SLC2A13: variants seen among roughly 807,000 people sequenced by gnomAD.
SLC2A13 encodes proton myo-inositol cotransporter.
In SLC2A13, 32 loss-of-function variants were observed where a neutral mutation model predicts 64.4. The observed-to-expected ratio is 0.50, with a 90% CI of 0.37 to 0.67. The LOEUF is 0.67. Ranked by LOEUF, SLC2A13 falls within the 30% of genes least tolerant of loss-of-function variation. The pLI, the probability that SLC2A13 is intolerant of heterozygous loss-of-function variation, is 0.00. For missense variants in SLC2A13, 743 were observed against 829.2 expected, an observed-to-expected ratio of 0.90 and a Z score of 1.28; for synonymous variants, 338 against 327.1, an observed-to-expected ratio of 1.03 and a Z score of -0.36.
chr12:40,102,813 A>G (rs890183594), intron 1 of SLC2A13, among the ~76,000 whole-genome samples: 1 of 152,184 alleles, frequency 6.6e-6, no homozygotes, highest in Non-Finnish European at 1.5e-5. Context: ...CTTAAAAAAA[A>G]GTGATTTTCT....
intron 1 of SLC2A13, among the ~76,000 whole-genome samples, chr12:40,082,146 C>T (rs974286386): frequency 6.6e-6 from 1 of 152,190 alleles, no homozygotes; most frequent in Admixed American, 6.5e-5. Context: ...GGTCCCTGCA[C>T]ATGTGTGCAC....
chr12:40,103,866 G>A (rs1352229932), intron 1 of SLC2A13, among the ~76,000 whole-genome samples: 1 of 152,142 alleles, frequency 6.6e-6, no homozygotes, highest in African/African-American at 2.4e-5. Context: ...GGATTTTTTG[G>A]TCACTTTGGA....
chr12:39,838,382 C>T (rs1943079234), intron 6 of SLC2A13, among the ~76,000 whole-genome samples: 2 of 143,270 alleles, frequency 1.4e-5, no homozygotes, highest in South Asian at 4.6e-4. Flanking sequence ...GGGAGATATA[C>T]CTAATGCTAG....
intron 1 of SLC2A13, among the ~76,000 whole-genome samples, chr12:40,071,177 G>A (rs573414148): frequency 2.6e-5 from 4 of 152,216 alleles, no homozygotes; most frequent in Non-Finnish European, 4.4e-5. Context: ...TGATCTACGC[G>A]TGTCTATTCT....
intron 4 of SLC2A13, among the ~76,000 whole-genome samples, chr12:39,917,845 T>C (rs938403290): frequency 1.7e-4 from 26 of 152,024 alleles, no homozygotes; most frequent in African/African-American, 6.3e-4. Flanking sequence ...TATAACCTCT[T>C]CCTCTTCTCC....
chr12:39,935,019 C>T (rs1279695861), intron 4 of SLC2A13, among the ~76,000 whole-genome samples: 1 of 152,168 alleles, frequency 6.6e-6, no homozygotes, highest in Non-Finnish European at 1.5e-5. Flanking sequence ...TTTTCACCTG[C>T]CCTCAGAAAG....
At chr12:40,020,095 C>T (rs1484477711) in intron 3 of SLC2A13, among the ~76,000 whole-genome samples, 5 of 152,106 alleles carry the variant, frequency 3.3e-5, no homozygotes, top group African/African-American at 1.2e-4. Context: ...CACTGTAGCT[C>T]CCCAATACAA....
chr12:39,796,993 G>A (rs995421083), intron 7 of SLC2A13, among the ~76,000 whole-genome samples: 5 of 151,988 alleles, frequency 3.3e-5, no homozygotes, highest in East Asian at 1.9e-4. Context: ...TTTTATGTTC[G>A]ACATCAGTGT....
intron 1 of SLC2A13, among the ~76,000 whole-genome samples, chr12:40,090,596 T>A (rs1427405884): frequency 6.6e-6 from 1 of 152,210 alleles, no homozygotes; most frequent in Non-Finnish European, 1.5e-5. Context: ...TATTCATGTT[T>A]ATTTGAAAAT....
rs145231337 is a variant in SLC2A13, at chr12:39,996,363, A to G, written c.925+31938T>C. 4.9e-4 allele frequency among the ~76,000 whole-genome samples: 74 copies of G among 152,350 alleles called. 2 individuals are homozygous for G. In the East Asian group the frequency reaches 0.014, roughly 29 times the overall value. ...CAGTTTTATCAGGGAAGCACAGCAT[A>G]AAAGTTTGGAAAATTTGCAGCCTGA... On this transcript the variant is annotated intron_variant, in intron 3 of 9. Transcript: ENST00000280871.
intron 7 of SLC2A13, among the ~76,000 whole-genome samples, chr12:39,805,493 C>G (rs1348943800): frequency 7.6e-6 from 1 of 132,212 alleles, no homozygotes; most frequent in Non-Finnish European, 1.6e-5. Flanking sequence ...TACTCTGTCT[C>G]TTAGGTTAAT....
chr12:39,882,276 A>T (rs1204967770), intron 4 of SLC2A13, among the ~76,000 whole-genome samples: 2 of 152,142 alleles, frequency 1.3e-5, no homozygotes, highest in African/African-American at 4.8e-5. Context: ...AGAATTTCTG[A>T]TTCAGTAGGT....
intron 1 of SLC2A13, among the ~76,000 whole-genome samples, chr12:40,081,930 T>C (rs1459831179): frequency 2.6e-5 from 4 of 152,226 alleles, no homozygotes; most frequent in Non-Finnish European, 5.9e-5. Flanking sequence ...GCTTCATGTC[T>C]GGATGATTGC....
At chr12:40,049,446 C>A (rs1212248278) in intron 1 of SLC2A13, among the ~76,000 whole-genome samples, 1 of 152,122 alleles carries the variant, frequency 6.6e-6, no homozygotes, top group Non-Finnish European at 1.5e-5. Context: ...GTTGAAGGTG[C>A]TATTTATTAC....
At chr12:39,767,356 A>C (rs1420828137) in intron 7 of SLC2A13, among the ~76,000 whole-genome samples, 1 of 151,148 alleles carries the variant, frequency 6.6e-6, no homozygotes, top group Non-Finnish European at 1.5e-5. Flanking sequence ...AATATTCTCC[A>C]AACTATGCTG....
At chr12:40,001,972 C>A (rs553526648) in intron 3 of SLC2A13, among the ~76,000 whole-genome samples, 89 of 152,204 alleles carry the variant, frequency 5.8e-4, no homozygotes, top group South Asian at 2.1e-3. Flanking sequence ...AAAATTTAAC[C>A]TAGCAAATAG....
chr12:40,062,512 G>C (rs1425378980), intron 1 of SLC2A13, among the ~76,000 whole-genome samples: 1 of 151,936 alleles, frequency 6.6e-6, no homozygotes, highest in Admixed American at 6.6e-5. Flanking sequence ...GGACTATCAG[G>C]AAAAAATAGA....
intron 4 of SLC2A13, among the ~76,000 whole-genome samples, chr12:39,902,183 G>C (rs1945140637): frequency 7.2e-6 from 1 of 139,618 alleles, no homozygotes; most frequent in African/African-American, 2.7e-5. Flanking sequence ...CACACTCTGG[G>C]GACTGTTGTG....
At chr12:40,057,512 G>A (rs1251512947) in intron 1 of SLC2A13, among the ~76,000 whole-genome samples, 1 of 152,188 alleles carries the variant, frequency 6.6e-6, no homozygotes, top group Non-Finnish European at 1.5e-5. Flanking sequence ...TGTGACTCGA[G>A]TGTTTTATTT....
Sources: allele counts gnomAD v4.1 joint callset (sites outside exome capture counted in the v4.1 genomes callset), GRCh38; gene constraint gnomAD v4.1.1; transcripts MANE v1.5; gene names NCBI Gene and HGNC (gene_info 2026-07-23, HGNC 2026-07-21).